Variants in SNTG2 observed in about 807,000 individuals in gnomAD.
SNTG2 encodes gamma-2-syntrophin.
SNTG2 carries 74 observed loss-of-function variants against 70.9 expected under a neutral mutation model. The ratio of observed to expected loss-of-function variants is 1.04; its 90% confidence interval spans 0.86 to 1.27. The LOEUF (loss-of-function observed/expected upper bound fraction) is 1.27. Ranked by LOEUF, SNTG2 falls within the 50% of genes most tolerant of loss-of-function variation. SNTG2 has a pLI of 0.00. For missense variants in SNTG2, 717 were observed against 690.7 expected, an observed-to-expected ratio of 1.04 and a Z score of -0.43; for synonymous variants, 278 against 273.8, an observed-to-expected ratio of 1.02 and a Z score of -0.15.
intron 13 of SNTG2, among the ~76,000 whole-genome samples, chr2:1,266,623 G>GA (rs1678749482): frequency 6.6e-6 from 1 of 152,094 alleles, no homozygotes. Flanking sequence ...AGGAGAGGAA[G>GA]AGCCAGTAAT....
intron 9 of SNTG2, among the ~76,000 whole-genome samples, chr2:1,232,410 C>T (rs186380707): frequency 6.6e-6 from 1 of 152,108 alleles, no homozygotes; most frequent in South Asian, 2.1e-4. Flanking sequence ...AGGGATTCTC[C>T]TGCCTCAGCC....
intron 15 of SNTG2, among the ~76,000 whole-genome samples, chr2:1,312,836 A>G (rs1558199102): frequency 6.6e-6 from 1 of 152,228 alleles, no homozygotes; most frequent in Non-Finnish European, 1.5e-5. Flanking sequence ...AGGTTGATGG[A>G]GAGGAACAAA....
chr2:1,353,820 A>G lies in SNTG2; in HGVS notation c.1489-13523A>G, dbSNP rs1660706861. The G allele has an allele frequency of 6.6e-6, 1 of 152,224 alleles. No individual in the cohort carries two copies. The highest frequency in any genetic ancestry group is 1.5e-5 in the Non-Finnish European group (1 of 68,054). The allele number at this position is 152,224 out of a possible 1,614,324, so 9.4% of individuals were successfully genotyped here. On this transcript the variant is annotated intron_variant, in intron 16 of 16. Coordinates refer to ENST00000308624, the MANE Select transcript of SNTG2 (RefSeq NM_018968.4). The surrounding 1 kb of genome is among the most constrained non-coding windows in gnomAD (Gnocchi z 4.2). The stretch of plus-strand genomic sequence containing the variant: ...GAGACGGAAAAATGGACCGTGCCGT[A>G]AGGAGGTGTGATTTCCACTGGAGGA...
intron 1 of SNTG2, among the ~76,000 whole-genome samples, chr2:1,055,730 A>T (rs6717150): frequency 6.6e-6 from 1 of 152,050 alleles, no homozygotes; most frequent in Non-Finnish European, 1.5e-5. Context: ...CCATTCTCCT[A>T]GGGTTATCAT....
chr2:985,154 A>G (rs1661262626), intron 1 of SNTG2, among the ~76,000 whole-genome samples: 1 of 152,082 alleles, frequency 6.6e-6, no homozygotes, highest in Admixed American at 6.6e-5. Context: ...TGCAGACCAC[A>G]CGCCACTCCC....
chr2:1,003,230 C>T (rs1558304839), intron 1 of SNTG2, among the ~76,000 whole-genome samples: 1 of 152,102 alleles, frequency 6.6e-6, no homozygotes, highest in Non-Finnish European at 1.5e-5. Flanking sequence ...CACGTACCCC[C>T]TAAATCTATA....
At chr2:966,257 A>G (rs1660565056) in intron 1 of SNTG2, among the ~76,000 whole-genome samples, 1 of 152,224 alleles carries the variant, frequency 6.6e-6, no homozygotes, top group African/African-American at 2.4e-5. Flanking sequence ...TGCACTTACA[A>G]TAACTTCTTC....
At chr2:1,256,201 C>T (rs1185339520) in intron 12 of SNTG2, among the ~76,000 whole-genome samples, 2 of 151,924 alleles carry the variant, frequency 1.3e-5, no homozygotes, top group African/African-American at 2.4e-5. Context: ...CAAGTTCCAT[C>T]GACCGGGTTT....
intron 4 of SNTG2, among the ~76,000 whole-genome samples, chr2:1,112,608 G>A (rs1666564296): frequency 6.9e-6 from 1 of 145,978 alleles, no homozygotes; most frequent in African/African-American, 2.8e-5. Context: ...ACTAAGTGAG[G>A]TTTTACCCTT....
At chr2:1,061,700 C>T (rs1253882887) in intron 1 of SNTG2, among the ~76,000 whole-genome samples, 1 of 152,156 alleles carries the variant, frequency 6.6e-6, no homozygotes, top group Non-Finnish European at 1.5e-5. Context: ...TCCTTTGTCT[C>T]CAAGCCAGGC....
chr2:1,222,175 T>TGTCTCTGTCTC (rs1558554158), intron 9 of SNTG2, among the ~76,000 whole-genome samples: 2 of 110,492 alleles, frequency 1.8e-5, no homozygotes, highest in African/African-American at 6.1e-5. Flanking sequence ...TTGTCTCTCT[T>TGTCTCTGTCTC]TTTCTCCCTC....
At chr2:1,102,500 G>A (rs1665843312) in intron 4 of SNTG2, 1 of 152,256 alleles carries the variant, frequency 6.6e-6, no homozygotes, top group Admixed American at 6.5e-5. Flanking sequence ...TGTCTGAGAG[G>A]AAGGAGGACT....
chr2:1,197,994 A>T (rs1673035108), intron 8 of SNTG2, among the ~76,000 whole-genome samples: 1 of 152,200 alleles, frequency 6.6e-6, no homozygotes, highest in Non-Finnish European at 1.5e-5. Flanking sequence ...TGTACTTTAG[A>T]CTAAATGGAT....
intron 4 of SNTG2, among the ~76,000 whole-genome samples, chr2:1,099,090 G>C (rs1305619304): frequency 6.6e-6 from 1 of 152,204 alleles, no homozygotes; most frequent in African/African-American, 2.4e-5. Context: ...TAAACTCCAT[G>C]CATCTGTCTC....
At chr2:1,017,310 A>G (rs1265726683) in intron 1 of SNTG2, among the ~76,000 whole-genome samples, 1 of 152,246 alleles carries the variant, frequency 6.6e-6, no homozygotes, top group Non-Finnish European at 1.5e-5. Context: ...TGTAAAGCAA[A>G]AGGTATGTAA....
At position 1,267,568 on chromosome 2, in the gene SNTG2, C is replaced by G; in HGVS notation, c.1281C>G (p.Thr427=). Residue 427 remains threonine, a synonymous_variant, in exon 14 of 17, where the codon ACC becomes ACG. Transcript: ENST00000308624. Reference sequence around the variant, plus strand: ...CCACGTTCATGGAAGTTCAGAGAACCGGGGTAAGTGAACAACTCACACTCT... The same window carrying G: ...CCACGTTCATGGAAGTTCAGAGAACGGGGGTAAGTGAACAACTCACACTCT... ...QRATFMEVQR[T]GSRTYMCSWQ... 6.2e-7 allele frequency: 1 copy of G among 1,612,292 alleles called. No individual in the cohort carries two copies. The highest frequency in any genetic ancestry group is 8.5e-7 in the Non-Finnish European group (1 of 1,179,784).
At chr2:1,326,839 A>G (rs1361783946) in intron 16 of SNTG2, among the ~76,000 whole-genome samples, 9 of 151,994 alleles carry the variant, frequency 5.9e-5, no homozygotes, top group Admixed American at 3.9e-4. Context: ...ACATTTTTCC[A>G]TTCTCTTTCT....
intron 9 of SNTG2, among the ~76,000 whole-genome samples, chr2:1,233,834 C>A (rs973507312): frequency 6.6e-6 from 1 of 151,842 alleles, no homozygotes; most frequent in Non-Finnish European, 1.5e-5. Flanking sequence ...TTCAAAAGTG[C>A]CGACACAGTC....
chr2:1,140,249 A>G (rs1243257914), intron 6 of SNTG2, among the ~76,000 whole-genome samples: 1 of 152,256 alleles, frequency 6.6e-6, no homozygotes, highest in African/African-American at 2.4e-5. Context: ...TTGTTAAAAC[A>G]TCTTAATACA....
Sources: allele counts gnomAD v4.1 joint callset (sites outside exome capture counted in the v4.1 genomes callset), GRCh38; gene constraint gnomAD v4.1.1; non-coding constraint Gnocchi (gnomAD v3.1); transcripts MANE v1.5; gene names NCBI Gene and HGNC (gene_info 2026-07-23, HGNC 2026-07-21).